Variants in ITGA11 observed in about 807,000 individuals in gnomAD.
ITGA11 encodes the protein integrin alpha-11.
ITGA11 carries 97 observed loss-of-function variants against 141.9 expected under a neutral mutation model. That is an observed-to-expected ratio of 0.68 (90% CI 0.58 to 0.81). The LOEUF is 0.81. Ranked by LOEUF, ITGA11 falls within the 30% of genes least tolerant of loss-of-function variation. The probability of loss-of-function intolerance (pLI) is 0.00; values close to 1 mark genes in which losing one functional copy is unlikely to be tolerated. For missense variants in ITGA11, 1,387 were observed against 1,559.2 expected, an observed-to-expected ratio of 0.89 and a Z score of 1.86; for synonymous variants, 658 against 624.6, an observed-to-expected ratio of 1.05 and a Z score of -0.80.
intron 11 of ITGA11, among the ~76,000 whole-genome samples, chr15:68,336,341 A>G (rs1422151870): frequency 1.3e-5 from 2 of 152,174 alleles, no homozygotes; most frequent in African/African-American, 2.4e-5. Context: ...TGAGCCGTAA[A>G]TGTGGAAGGA....
intron 26 of ITGA11, among the ~76,000 whole-genome samples, chr15:68,310,016 T>C (rs1020841): frequency 0.95 from 144,525 of 152,312 alleles, 68,725 homozygotes; most frequent in Middle Eastern, 0.99. Context: ...GACTGGAAGG[T>C]GGACGCCTAA....
intron 10 of ITGA11, among the ~76,000 whole-genome samples, chr15:68,348,217 C>T (rs956695461): frequency 1.3e-5 from 2 of 152,184 alleles, no homozygotes; most frequent in Admixed American, 1.3e-4. Flanking sequence ...TGTGACACCA[C>T]ACCCCTCCCT....
At chr15:68,371,568 A>AT (rs2140363772) in intron 2 of ITGA11, among the ~76,000 whole-genome samples, 1 of 152,184 alleles carries the variant, frequency 6.6e-6, no homozygotes, top group Non-Finnish European at 1.5e-5. Flanking sequence ...TACAAAAAAA[A>AT]GTAGCTGGGC....
chr15:68,305,144 C>T lies in ITGA11; in HGVS notation c.3382-1259G>A, dbSNP rs919262323. ...CCTGCTCCCTCTTGCTTTACTCCAG[C>T]TTTCAGCCACCTGGCCTCCAGCATG... On this transcript the variant is annotated intron_variant, in intron 28 of 29. Transcript: ENST00000315757. This position sits in a 1 kb window ranked among gnomAD's most constrained non-coding sequence, Gnocchi z 4.6. 6.6e-6 allele frequency among the ~76,000 whole-genome samples: 1 copy of T among 152,258 alleles called. No individual in the cohort carries two copies. Among genetic ancestry groups the T allele is most frequent in the Non-Finnish European group, 1.5e-5 (1 of 68,046 alleles).
Position 68,402,905 on chromosome 15 carries a change from C to A in ITGA11, c.164+13G>T. 1 of 1,586,458 alleles carries A rather than the reference C, an allele frequency of 6.3e-7. No individual in the cohort carries two copies. Among genetic ancestry groups the A allele is most frequent in the East Asian group, 2.2e-5 (1 of 44,534 alleles). On this transcript the variant is annotated intron_variant, in intron 2 of 29. Coordinates refer to ENST00000315757, the MANE Select transcript of ITGA11 (RefSeq NM_001004439.2). ...TGGTACAGGGCTGGGTGTGGGCGGC[C>A]GCTCTCACTCACCACTTATTGCCAC...
At position 68,301,065 on chromosome 15, in the gene ITGA11, A is replaced by G. The variant is rs1893013273; in HGVS notation, c.*1994T>C. 1 of 152,172 alleles carries G rather than the reference A, an allele frequency of 6.6e-6. No homozygotes were observed. Among genetic ancestry groups the G allele is most frequent in the South Asian group, 2.1e-4 (1 of 4,826 alleles). 9.4% of individuals were successfully genotyped at this position (152,172 alleles called of 1,614,324 possible). A position where few individuals can be genotyped will look rare whatever the true frequency, so the allele number is the denominator to read the frequency against. ...CAACATTTCCTTCTGATTCTATTAG[A>G]AGGCAATGGGTTTTGATACTCAAAT... On this transcript the variant is annotated 3_prime_UTR_variant, in exon 30 of 30. Transcript: ENST00000315757. This position sits in a 1 kb window ranked among gnomAD's most constrained non-coding sequence, Gnocchi z 4.4.
In ITGA11 at chr15:68,366,485, G is replaced by A. The variant is rs141162147; in HGVS notation, c.266-1687C>T. Among the ~76,000 whole-genome samples the A allele has an allele frequency of 9.8e-3, 1,498 of 152,284 alleles. 17 individuals are homozygous for A. The highest frequency in any genetic ancestry group is 0.015 in the Non-Finnish European group (1,004 of 68,014). On this transcript the variant is annotated intron_variant, in intron 3 of 29. Transcript: ENST00000315757. The stretch of plus-strand genomic sequence containing the variant: ...GGGCGGCTCCATGCTCCACTGGGCT[G>A]GGTAACCCTCGCCCCCTTCTGGCTA...
Position 68,331,892 on chromosome 15 carries a change from G to A in ITGA11, c.1737C>T (p.Gly579=). The A allele has an allele frequency of 6.2e-7, 1 of 1,613,246 alleles. No individual in the cohort carries two copies. The highest frequency in any genetic ancestry group is 8.5e-7 in the Non-Finnish European group (1 of 1,179,670). ...GTGTCTTCAGGATGCTGCCTCGGAA[G>A]CCGTGGAAGATGTAGATGGCTCCTG... The part of the protein sequence containing the change: ...NHAGAIYIFH[G]FRGSILKTPK... Residue 579 remains glycine, a synonymous_variant, in exon 14 of 30, where the codon GGC becomes GGT. Coordinates refer to ENST00000315757, the MANE Select transcript of ITGA11 (RefSeq NM_001004439.2).
chr15:68,345,066 G>A (rs1894701219), intron 10 of ITGA11, among the ~76,000 whole-genome samples: 1 of 151,976 alleles, frequency 6.6e-6, no homozygotes, highest in African/African-American at 2.4e-5. Flanking sequence ...CCCTCTGGAG[G>A]TGTGAATCCC....
chr15:68,325,273 G>A lies in ITGA11; in HGVS notation c.2212-32C>T. 1 of 1,442,526 alleles carries A rather than the reference G, an allele frequency of 6.9e-7. No individual in the cohort carries two copies. The highest frequency in any genetic ancestry group is 9.8e-7 in the Non-Finnish European group (1 of 1,023,618). The allele number at this position is 1,442,526 out of a possible 1,614,324, so 89.4% of individuals were successfully genotyped here. A position where few individuals can be genotyped will look rare whatever the true frequency, so the allele number is the denominator to read the frequency against. On this transcript the variant is annotated intron_variant, in intron 17 of 29. Coordinates refer to ENST00000315757, the MANE Select transcript of ITGA11 (RefSeq NM_001004439.2). This position sits in a 1 kb window ranked among gnomAD's most constrained non-coding sequence, Gnocchi z 5.5. ...GGTGGAGATGAGGGCAGCGGTGAGG[G>A]AGGAGAGAACGTCATTTTATGAGCC...
chr15:68,348,910 A>AGTGAC lies in ITGA11; in HGVS notation c.1061-15_1061-11dup. On this transcript the variant is annotated splice_polypyrimidine_tract_variant and intron_variant, in intron 9 of 29. Coordinates refer to ENST00000315757, the MANE Select transcript of ITGA11 (RefSeq NM_001004439.2). Reference sequence around the variant, plus strand: ...TCGTTCTTGTTGGTGCCTGCAACAGAGTGACAGAGAGATGTCAGCTCCATG... The same window carrying AGTGAC: ...TCGTTCTTGTTGGTGCCTGCAACAGAGTGACGTGACAGAGAGATGTCAGCTCCATG... 1 of 1,600,044 alleles carries AGTGAC rather than the reference A, an allele frequency of 6.2e-7. No individual in the cohort carries two copies. Among genetic ancestry groups the AGTGAC allele is most frequent in the Non-Finnish European group, 8.5e-7 (1 of 1,172,726 alleles).
At chr15:68,414,162 C>A (rs1896837133) in intron 1 of ITGA11, among the ~76,000 whole-genome samples, 1 of 152,184 alleles carries the variant, frequency 6.6e-6, no homozygotes, top group Non-Finnish European at 1.5e-5. Context: ...GGCAAGTGGG[C>A]AGGAGGGCAA....
intron 10 of ITGA11, among the ~76,000 whole-genome samples, chr15:68,345,911 C>T (rs559332236): frequency 5.4e-4 from 83 of 152,328 alleles, no homozygotes; most frequent in African/African-American, 1.9e-3. Flanking sequence ...CCCCAGTGCC[C>T]GGTCACAGAG....
Position 68,331,062 on chromosome 15 carries a change from C to G in ITGA11, c.1820G>C (p.Ser607Thr), listed in dbSNP as rs1197555801. The part of the protein sequence containing the change: ...LATGLQYFGC[S>T]IHGQLDLNED... ...ATTGAGGTCCAATTGCCCGTGGATG[C>G]TGCAGCCAAAATACTGGAGGCCGGT... The change falls in exon 15 of 30, where the codon AGC (serine) becomes ACC (threonine). Residue 607 changes from serine to threonine, a missense_variant. Transcript: ENST00000315757. 1 of 1,610,954 alleles carries G rather than the reference C, an allele frequency of 6.2e-7. No individual in the cohort carries two copies. The highest frequency in any genetic ancestry group is 8.5e-7 in the Non-Finnish European group (1 of 1,178,636).
intron 2 of ITGA11, among the ~76,000 whole-genome samples, chr15:68,376,359 C>G (rs150823649): frequency 5.0e-4 from 76 of 152,266 alleles, no homozygotes; most frequent in Admixed American, 1.2e-3. Flanking sequence ...CCTCTCTCAC[C>G]AACTTGCCTT....
In ITGA11 at chr15:68,363,379, G is replaced by A. The variant is rs569509314; in HGVS notation, c.357+1328C>T. Among the ~76,000 whole-genome samples, 7 of 152,286 alleles carry A rather than the reference G, an allele frequency of 4.6e-5. 1 individual carries two copies. In the South Asian group the frequency reaches 1.0e-3, roughly 23 times the overall value. On this transcript the variant is annotated intron_variant, in intron 4 of 29. Transcript: ENST00000315757. ...AGGGAGTAGAGACAAAGCCCCTGAC[G>A]GATATGTGTGTGGATAGGGCCAGGG...
At chr15:68,384,197 T>A (rs1251139249) in intron 2 of ITGA11, among the ~76,000 whole-genome samples, 1 of 150,580 alleles carries the variant, frequency 6.6e-6, no homozygotes, top group Non-Finnish European at 1.5e-5. Flanking sequence ...TGTGTGTGTG[T>A]CAGAAGTTTC....
chr15:68,351,005 G>A (rs1035719719), intron 8 of ITGA11, among the ~76,000 whole-genome samples: 1 of 152,222 alleles, frequency 6.6e-6, no homozygotes, highest in South Asian at 2.1e-4. Context: ...GTTTGGAGGT[G>A]TATTCTAGTT....
intron 14 of ITGA11, 60 bp downstream of exon 14, chr15:68,331,799 G>A (rs2140303363): frequency 7.1e-7 from 1 of 1,408,208 alleles, no homozygotes; most frequent in East Asian, 2.4e-5. Flanking sequence ...AGAAGCTCCT[G>A]GGACTCCTGG....
Sources: allele counts gnomAD v4.1 joint callset (sites outside exome capture counted in the v4.1 genomes callset), GRCh38; gene constraint gnomAD v4.1.1; non-coding constraint Gnocchi (gnomAD v3.1); transcripts MANE v1.5; gene names NCBI Gene and HGNC (gene_info 2026-07-23, HGNC 2026-07-21).